Variants in DIS3L2 observed in about 807,000 individuals in gnomAD.
DIS3L2 encodes DIS3 like 3'-5' exoribonuclease 2, also known as DIS3-like exonuclease 2.
Under a neutral mutation model 97.5 loss-of-function variants are expected in DIS3L2, and 34 were observed. That is an observed-to-expected ratio of 0.35 (90% CI 0.27 to 0.46). DIS3L2 has a LOEUF of 0.46. Ranked by LOEUF, DIS3L2 falls within the 20% of genes least tolerant of loss-of-function variation. The probability of loss-of-function intolerance (pLI) is 1.00; values close to 1 mark genes in which losing one functional copy is unlikely to be tolerated. For synonymous variants in DIS3L2, 435 were observed against 445.2 expected, an observed-to-expected ratio of 0.98 and a Z score of 0.29; for missense variants, 1,038 against 1,146.0, an observed-to-expected ratio of 0.91 and a Z score of 1.36.
intron 14 of DIS3L2, 28 bp from the exon 15 acceptor site, chr2:232,329,785 T>TGCCGGGGGCCC: frequency 1.0e-5 from 10 of 967,134 alleles, no homozygotes; most frequent in Non-Finnish European, 1.3e-5. Context: ...ACCCCAGCGG[T>TGCCGGGGGCCC]CCCTCCCATC....
chr2:232,220,389 A>G (rs916774705), intron 10 of DIS3L2, among the ~76,000 whole-genome samples: 1 of 152,222 alleles, frequency 6.6e-6, no homozygotes, highest in East Asian at 1.9e-4. Context: ...CTTCAGTGGC[A>G]GTGCTCACCT....
In DIS3L2 at chr2:232,136,581, C is replaced by T; in HGVS notation, c.812C>T (p.Ser271Leu). 1 of 1,613,958 alleles carries T rather than the reference C, an allele frequency of 6.2e-7. No individual in the cohort carries two copies. Among genetic ancestry groups the T allele is most frequent in the Non-Finnish European group, 8.5e-7 (1 of 1,179,958 alleles). ...AGGAAATACGCCCTGTTTTCTCCCT[C>T]AGACCACCGAGTGCCTAGAATTTAT... The part of the protein sequence containing the change: ...LFRKYALFSP[S>L]DHRVPRIYVP... The change falls in exon 8 of 21, where the codon TCA becomes TTA. Residue 271 changes from serine to leucine, a missense_variant. Coordinates refer to ENST00000325385, the MANE Select transcript of DIS3L2 (RefSeq NM_152383.5).
rs1553606035 is a variant in DIS3L2, at chr2:232,086,659, A to ATATATG, written c.367-827_367-826insATATGT. ...TATATATATATGTATATATATATAT[A>ATATATG]TGTGTGTGTGTGTGTGTGTATATAT... On this transcript the variant is annotated intron_variant, in intron 5 of 20. Coordinates refer to ENST00000325385, the MANE Select transcript of DIS3L2 (RefSeq NM_152383.5). 1.1e-4 allele frequency among the ~76,000 whole-genome samples: 10 copies of ATATATG among 92,494 alleles called. 3 individuals are homozygous for ATATATG. 60.7% of individuals were successfully genotyped at this position (92,494 alleles called of 152,430 possible).
At chr2:232,010,300 G>A (rs1694161992) in intron 1 of DIS3L2, among the ~76,000 whole-genome samples, 1 of 151,530 alleles carries the variant, frequency 6.6e-6, no homozygotes, top group African/African-American at 2.4e-5. Flanking sequence ...ATCTCTGTGT[G>A]TCTCCCTGTC....
chr2:231,982,161 G>A (rs189598329), intron 1 of DIS3L2, among the ~76,000 whole-genome samples: 1 of 152,108 alleles, frequency 6.6e-6, no homozygotes, highest in Admixed American at 6.5e-5. Context: ...ACTCTTATAG[G>A]ATATACTTGC....
intron 9 of DIS3L2, among the ~76,000 whole-genome samples, chr2:232,196,049 G>A (rs1373046343): frequency 6.6e-6 from 1 of 152,012 alleles, no homozygotes; most frequent in Non-Finnish European, 1.5e-5. Context: ...GATGGAATCT[G>A]TTAGGTCAGA....
chr2:231,972,145 A>G (rs1041815037), intron 1 of DIS3L2, among the ~76,000 whole-genome samples: 2 of 151,870 alleles, frequency 1.3e-5, no homozygotes, highest in African/African-American at 2.4e-5. Flanking sequence ...AGATCGCGCC[A>G]CTGCACCCCA....
intron 14 of DIS3L2, among the ~76,000 whole-genome samples, chr2:232,305,836 G>A (rs1253977797): frequency 6.6e-6 from 1 of 151,916 alleles, no homozygotes; most frequent in Non-Finnish European, 1.5e-5. Context: ...ACACCTGTAA[G>A]ACCAGCTACC....
intron 9 of DIS3L2, among the ~76,000 whole-genome samples, chr2:232,192,420 T>G (rs1210016367): frequency 1.3e-5 from 2 of 152,116 alleles, no homozygotes; most frequent in African/African-American, 4.8e-5. Context: ...ACCTATGCCC[T>G]TAATTTTAAA....
chr2:232,014,755 T>C (rs983439393), intron 1 of DIS3L2, 80 bp from the exon 2 acceptor site: 2 of 582,260 alleles, frequency 3.4e-6, no homozygotes, highest in Non-Finnish European at 5.7e-6. Flanking sequence ...GCCTTTGCCA[T>C]TGAACTACTA....
chr2:231,983,533 C>T (rs1559513952), intron 1 of DIS3L2, among the ~76,000 whole-genome samples: 1 of 152,082 alleles, frequency 6.6e-6, no homozygotes, highest in African/African-American at 2.4e-5. Context: ...CATAGGAGTG[C>T]GAACCCTGTT....
chr2:232,304,665 C>A (rs1033068043), intron 14 of DIS3L2, among the ~76,000 whole-genome samples: 2 of 152,192 alleles, frequency 1.3e-5, no homozygotes, highest in African/African-American at 4.8e-5. Flanking sequence ...ATTCTTCCTG[C>A]CGTTAGCTGG....
intron 3 of DIS3L2, 51 bp from the exon 4 acceptor site, chr2:232,024,226 A>T: frequency 2.9e-6 from 4 of 1,388,900 alleles, no homozygotes; most frequent in Non-Finnish European, 4.0e-6. Context: ...TACGTGGAAA[A>T]ATCGTAAATA....
At chr2:232,210,446 T>C (rs1465633796) in intron 10 of DIS3L2, 41 bp downstream of exon 10, 1 of 1,552,096 alleles carries the variant, frequency 6.4e-7, no homozygotes, top group African/African-American at 1.4e-5. Context: ...TAGCAGGCAG[T>C]CTGCATGCCT....
chr2:232,021,173 T>C (rs1694500854), intron 3 of DIS3L2, among the ~76,000 whole-genome samples: 1 of 152,096 alleles, frequency 6.6e-6, no homozygotes, highest in Admixed American at 6.6e-5. Context: ...CTGGGGTTAG[T>C]TGAGAGTAGA....
intron 8 of DIS3L2, among the ~76,000 whole-genome samples, chr2:232,140,220 A>G (rs1023058769): frequency 6.6e-6 from 1 of 152,176 alleles, no homozygotes; most frequent in Non-Finnish European, 1.5e-5. Context: ...GTCCACTCAA[A>G]AAAAAATGTT....
At chr2:231,968,108 T>G (rs922107783) in intron 1 of DIS3L2, among the ~76,000 whole-genome samples, 1 of 151,446 alleles carries the variant, frequency 6.6e-6, no homozygotes, top group Non-Finnish European at 1.5e-5. Context: ...TTTTTTTTTT[T>G]TTTTTTTGAG....
intron 14 of DIS3L2, among the ~76,000 whole-genome samples, chr2:232,304,234 C>G (rs532022802): frequency 6.6e-6 from 1 of 151,560 alleles, no homozygotes; most frequent in East Asian, 1.9e-4. Flanking sequence ...AAGGAGTGAT[C>G]GAGAGTCATT....
At chr2:232,072,958 C>T (rs761788524) in intron 5 of DIS3L2, among the ~76,000 whole-genome samples, 3 of 152,056 alleles carry the variant, frequency 2.0e-5, no homozygotes, top group Non-Finnish European at 4.4e-5. Context: ...TGGCTGTTAA[C>T]TAGATAAAAG....
Sources: allele counts gnomAD v4.1 joint callset (sites outside exome capture counted in the v4.1 genomes callset), GRCh38; gene constraint gnomAD v4.1.1; transcripts MANE v1.5; gene names NCBI Gene and HGNC (gene_info 2026-07-23, HGNC 2026-07-21).